The following PKD1L1 variants were observed in gnomAD, a reference collection of about 807,000 sequenced individuals.
The protein encoded by PKD1L1 is polycystin-1-like protein 1.
In PKD1L1, 236 loss-of-function variants were observed where a neutral mutation model predicts 323.4. The ratio of observed to expected loss-of-function variants is 0.73; its 90% CI spans 0.66 to 0.81. The LOEUF is 0.81. PKD1L1 is among the 40% of genes least tolerant of loss of function. The probability of loss-of-function intolerance (pLI) is 0.00; values close to 1 mark genes in which losing one functional copy is unlikely to be tolerated. For synonymous variants in PKD1L1, 1,344 were observed against 1,335.0 expected (o/e 1.01, Z -0.15); for missense variants, 3,320 against 3,508.0 (o/e 0.95, Z 1.35).
intron 7 of PKD1L1, among the ~76,000 whole-genome samples, chr7:47,928,668 C>G (rs1223779496): frequency 1.3e-5 from 2 of 152,170 alleles, no homozygotes; most frequent in Non-Finnish European, 2.9e-5. Flanking sequence ...CCCTCCACCC[C>G]CAATCATCAT....
At chr7:47,944,923 T>C (rs1788065353) in intron 1 of PKD1L1, among the ~76,000 whole-genome samples, 1 of 152,160 alleles carries the variant, frequency 6.6e-6, no homozygotes, top group African/African-American at 2.4e-5. Context: ...CAGCCAGAAA[T>C]GGATGGTGTG....
chr7:47,902,312 CA>C, intron 13 of PKD1L1, 66 bp downstream of exon 13: 1 of 1,573,192 alleles, frequency 6.4e-7, no homozygotes, highest in South Asian at 1.2e-5. Flanking sequence ...CCACTCCAAA[CA>C]GTGGTCCCAA....
chr7:47,936,042 T>G (rs1787861281), intron 4 of PKD1L1, among the ~76,000 whole-genome samples: 1 of 152,274 alleles, frequency 6.6e-6, no homozygotes, highest in Admixed American at 6.5e-5. Flanking sequence ...ATGTTTAATT[T>G]CCATTAGAAG....
Position 47,777,953 on chromosome 7 carries a change from C to T in PKD1L1, c.8527-2787G>A, listed in dbSNP as rs74762778. 9.2e-3 allele frequency among the ~76,000 whole-genome samples: 1,397 copies of T among 152,302 alleles called. 4 individuals carry two copies. Among genetic ancestry groups the T allele is most frequent in the Middle Eastern group, 0.024 (7 of 294 alleles). On this transcript the variant is annotated intron_variant, in intron 56 of 56. Transcript: ENST00000289672. ...CTGTGAGGAGCTGCAGGGGAGGTGG[C>T]GTCAGTGCCTGGGCAGTAGCTGGGG...
In PKD1L1 at chr7:47,840,721, G is replaced by A. The variant is rs1785549079; in HGVS notation, c.5446-154C>T. Among the ~76,000 whole-genome samples, 1 of 152,286 alleles carries A rather than the reference G, an allele frequency of 6.6e-6. No individual in the cohort carries two copies. The highest frequency in any genetic ancestry group is 1.5e-5 in the Non-Finnish European group (1 of 68,048). ...GCCACAGCCTAGAGCCAGGGGATGA[G>A]TGGGCACGTCCAGTCCCAGGCTTCC... On this transcript the variant is annotated intron_variant, in intron 34 of 56. Coordinates refer to ENST00000289672, the MANE Select transcript of PKD1L1 (RefSeq NM_138295.5). This position sits in a 1 kb window ranked among gnomAD's most constrained non-coding sequence, Gnocchi z 4.1.
chr7:47,915,525 A>G lies in PKD1L1; in HGVS notation c.1135T>C (p.Leu379=). Residue 379 remains leucine (L), a synonymous_variant, in exon 8 of 57, where the codon TTA becomes CTA. Transcript: ENST00000289672. ...YKEAETQNTT[L]NVYLCQSENS... is the part of the protein sequence containing the mutation. ...TCACTTTGGCACAAGTAAACATTTA[A>G]AGTTGTATTTTGTGTCTCTGCTTCT... The G allele has an allele frequency of 6.5e-7, 1 of 1,534,448 alleles. No individual in the cohort carries two copies. The highest frequency in any genetic ancestry group is 9.0e-7 in the Non-Finnish European group (1 of 1,107,688).
intron 41 of PKD1L1, 41 bp from the exon 42 acceptor site, chr7:47,831,393 C>T (rs766926693): frequency 7.3e-5 from 115 of 1,576,620 alleles, no homozygotes; most frequent in Non-Finnish European, 9.7e-5. Context: ...CTTAAGAGAC[C>T]TCGGCATCTC....
chr7:47,866,667 T>G, intron 24 of PKD1L1, 53 bp from the exon 25 acceptor site: 1 of 1,448,822 alleles, frequency 6.9e-7, no homozygotes, highest in Non-Finnish European at 9.4e-7. Context: ...GCAAAACTTT[T>G]CACCCTGACT....
rs377240243 is a variant in PKD1L1, at chr7:47,835,493, C to A, written c.5944-250G>T. On this transcript the variant is annotated intron_variant, in intron 37 of 56. Transcript: ENST00000289672. Reference sequence around the variant, plus strand: ...TTGGCTCACTGCGACCTCCGCCTCCCGGGTTCAAGCGATTCTCCTGCCTCA... The same window carrying A: ...TTGGCTCACTGCGACCTCCGCCTCCAGGGTTCAAGCGATTCTCCTGCCTCA... 3.3e-5 allele frequency among the ~76,000 whole-genome samples: 5 copies of A among 152,012 alleles called. No individual in the cohort carries two copies. The East Asian group carries it at 9.7e-4, about 29-fold the overall frequency.
chr7:47,905,838 C>T lies in PKD1L1; in HGVS notation c.1522+5G>A. ...GTTAAATCTGGAATTAAAACAAAGA[C>T]ATACATTGCATCTTATACCAGACAG... On this transcript the variant is annotated splice_donor_5th_base_variant and intron_variant, in intron 10 of 56. Coordinates refer to ENST00000289672, the MANE Select transcript of PKD1L1 (RefSeq NM_138295.5). The T allele has an allele frequency of 6.2e-7, 1 of 1,611,444 alleles. No individual in the cohort carries two copies. Among genetic ancestry groups the T allele is most frequent in the Non-Finnish European group, 8.5e-7 (1 of 1,179,490 alleles).
At chr7:47,859,564 G>A (rs1361771539) in intron 26 of PKD1L1, among the ~76,000 whole-genome samples, 1 of 149,642 alleles carries the variant, frequency 6.7e-6, no homozygotes, top group African/African-American at 2.5e-5. Context: ...CTGCAGACTT[G>A]AACTCCTGGG....
chr7:47,804,027 C>G (rs1314806202), intron 52 of PKD1L1, among the ~76,000 whole-genome samples: 1 of 152,196 alleles, frequency 6.6e-6, no homozygotes, highest in Non-Finnish European at 1.5e-5. Flanking sequence ...GGTGTATGAT[C>G]TCATATGCTC....
intron 45 of PKD1L1, among the ~76,000 whole-genome samples, chr7:47,822,487 C>T (rs1009509590): frequency 2.1e-5 from 3 of 143,798 alleles, no homozygotes; most frequent in East Asian, 4.5e-4. Flanking sequence ...CCCAGTTACT[C>T]GGGAGGCTGA....
chr7:47,851,789 C>T (rs887841548), intron 31 of PKD1L1, among the ~76,000 whole-genome samples: 1 of 151,594 alleles, frequency 6.6e-6, no homozygotes, highest in African/African-American at 2.4e-5. Context: ...CCTGAATGTA[C>T]AACATGCAGA....
chr7:47,782,955 G>A (rs960232767), intron 56 of PKD1L1, among the ~76,000 whole-genome samples: 1 of 152,140 alleles, frequency 6.6e-6, no homozygotes, highest in African/African-American at 2.4e-5. Flanking sequence ...CTTTACTAAA[G>A]GTGTTGTGCT....
Position 47,839,527 on chromosome 7 carries a change from C to A in PKD1L1, c.5688G>T (p.Gln1896His). 1 of 1,611,818 alleles carries A rather than the reference C, an allele frequency of 6.2e-7. No homozygotes were observed. The highest frequency in any genetic ancestry group is 8.5e-7 in the Non-Finnish European group (1 of 1,179,470). ...CATGCCTGCCGGCAGACAGCCAGCACTGGGCAGGGAAGAACCAGCCCTGTC... is the reference window on the plus strand; with the variant it reads ...CATGCCTGCCGGCAGACAGCCAGCAATGGGCAGGGAAGAACCAGCCCTGTC... ...HTGQGWFFPAQCWLSAGRHDG... is the reference protein window; with the variant it reads ...HTGQGWFFPAHCWLSAGRHDG... The change falls in exon 36 of 57, where the codon CAG becomes CAT. Residue 1896 changes from glutamine (Q) to histidine (H), a missense_variant. Physicochemically the swap from Gln to His is conservative, Grantham distance 24. Transcript: ENST00000289672. The surrounding 1 kb of genome is among the most constrained non-coding windows in gnomAD (Gnocchi z 4.3).
upstream of PKD1L1, chr7:47,948,514 A>T: frequency 7.1e-7 from 1 of 1,417,224 alleles, no homozygotes; most frequent in Admixed American, 1.7e-5. Context: ...AAGACAAAGA[A>T]ATAGAGCTTA....
At chr7:47,775,189 A>G (rs368958922) in intron 56 of PKD1L1, 23 bp from the exon 57 acceptor site, 55 of 1,613,858 alleles carry the variant, frequency 3.4e-5, no homozygotes, top group Admixed American at 2.2e-4. Flanking sequence ...AATGAAAAAC[A>G]TACTGAAACA....
In PKD1L1 at chr7:47,885,749, ATCCCTTGCTC is replaced by A; in HGVS notation, c.3132_3141del (p.Gln1044HisfsTer3). On this transcript the variant is annotated frameshift_variant, in exon 18 of 57. Transcript: ENST00000289672. LOFTEE classifies it high-confidence loss of function. ...CTCTCAGAGCGGCCAGTCATCAGGG[ATCCCTTGCTC>A]TGTGGCCCTGGCTCTAGGTCTAGTG... is the stretch of plus-strand genomic sequence containing the variant. The A allele has an allele frequency of 1.9e-6, 3 of 1,614,162 alleles. No homozygotes were observed. The highest frequency in any genetic ancestry group is 1.7e-6 in the Non-Finnish European group (2 of 1,180,006).
Sources: allele counts gnomAD v4.1 joint callset (sites outside exome capture counted in the v4.1 genomes callset), GRCh38; gene constraint gnomAD v4.1.1; non-coding constraint Gnocchi (gnomAD v3.1); transcripts MANE v1.5; gene names NCBI Gene and HGNC (gene_info 2026-07-23, HGNC 2026-07-21).